TMTC1: variants seen among roughly 807,000 people sequenced by gnomAD.
The protein encoded by TMTC1 is transmembrane O-mannosyltransferase targeting cadherins 1.
TMTC1 carries 73 observed loss-of-function variants against 104.8 expected under a neutral mutation model. The ratio of observed to expected loss-of-function variants is 0.70; its 90% CI spans 0.58 to 0.85. The LOEUF is 0.85. TMTC1 is among the 40% of genes least tolerant of loss of function. The probability of loss-of-function intolerance (pLI) is 0.00; values close to 1 mark genes in which losing one functional copy is unlikely to be tolerated. For synonymous variants in TMTC1, 434 were observed against 428.7 expected, an observed-to-expected ratio of 1.01 and a Z score of -0.15; for missense variants, 1,035 against 1,096.1, an observed-to-expected ratio of 0.94 and a Z score of 0.79.
chr12:29,729,880 A>C (rs1942500047), intron 5 of TMTC1, among the ~76,000 whole-genome samples: 1 of 152,210 alleles, frequency 6.6e-6, no homozygotes, highest in African/African-American at 2.4e-5. Flanking sequence ...TCATCTTCAG[A>C]CTTAACACTG....
At chr12:29,537,411 G>T (rs1041929655) in intron 10 of TMTC1, among the ~76,000 whole-genome samples, 4 of 152,118 alleles carry the variant, frequency 2.6e-5, no homozygotes, top group Admixed American at 1.3e-4. Context: ...TTTCTAATGA[G>T]AAATTTTCAA....
At chr12:29,646,357 T>C (rs1939268119) in intron 5 of TMTC1, among the ~76,000 whole-genome samples, 1 of 152,200 alleles carries the variant, frequency 6.6e-6, no homozygotes, top group African/African-American at 2.4e-5. Flanking sequence ...TTTTTTTCAG[T>C]GTGAAAAGCA....
At chr12:29,745,563 G>A (rs1177821886) in intron 5 of TMTC1, among the ~76,000 whole-genome samples, 1 of 140,102 alleles carries the variant, frequency 7.1e-6, no homozygotes, top group East Asian at 2.3e-4. Context: ...AGAGGTTGCA[G>A]TGAGTCGAGA....
At chr12:29,554,482 T>C (rs1258809050) in intron 10 of TMTC1, among the ~76,000 whole-genome samples, 1 of 152,058 alleles carries the variant, frequency 6.6e-6, no homozygotes, top group Non-Finnish European at 1.5e-5. Flanking sequence ...AGACTAAAAG[T>C]AAGAAAAAGC....
intron 11 of TMTC1, among the ~76,000 whole-genome samples, chr12:29,531,161 C>T (rs1018268827): frequency 6.6e-6 from 1 of 152,226 alleles, no homozygotes; most frequent in South Asian, 2.1e-4. Context: ...AACACTCTGG[C>T]GCTTGGTGGC....
chr12:29,714,161 T>C (rs145166926), intron 5 of TMTC1, among the ~76,000 whole-genome samples: 3 of 152,236 alleles, frequency 2.0e-5, no homozygotes, highest in Admixed American at 6.5e-5. Context: ...TATTCTGTTA[T>C]AGTAGAACAA....
intron 5 of TMTC1, among the ~76,000 whole-genome samples, chr12:29,708,399 G>A (rs1187977311): frequency 6.6e-6 from 1 of 152,102 alleles, no homozygotes; most frequent in African/African-American, 2.4e-5. Context: ...TCTTATAATA[G>A]ACACCAAAAG....
In TMTC1 at chr12:29,676,801, G is replaced by A. The variant is rs145304851; in HGVS notation, c.939-43465C>T. ...AGATGATGCCCTCGTGCAGCCAAAT[G>A]AAGCATTTTGTGGGCATGCTGGAAT... On this transcript the variant is annotated intron_variant, in intron 5 of 17. Transcript: ENST00000539277. 5.9e-3 allele frequency among the ~76,000 whole-genome samples: 891 copies of A among 152,290 alleles called. 12 individuals carry two copies. Among genetic ancestry groups the A allele is most frequent in the African/African-American group, 0.018 (730 of 41,550 alleles).
intron 11 of TMTC1, among the ~76,000 whole-genome samples, chr12:29,524,504 G>T (rs570380045): frequency 7.9e-5 from 12 of 152,224 alleles, no homozygotes; most frequent in Admixed American, 3.3e-4. Flanking sequence ...GATGACTTTT[G>T]TGTAATCAGT....
chr12:29,525,487 A>G (rs1025331616), intron 11 of TMTC1, among the ~76,000 whole-genome samples: 1 of 151,904 alleles, frequency 6.6e-6, no homozygotes, highest in African/African-American at 2.4e-5. Context: ...TGCTCAGCAA[A>G]GGGCAGTCTT....
At chr12:29,765,430 G>T (rs920725533) in intron 2 of TMTC1, among the ~76,000 whole-genome samples, 1 of 151,852 alleles carries the variant, frequency 6.6e-6, no homozygotes, top group East Asian at 1.9e-4. Flanking sequence ...CTTTCTCCTT[G>T]AACTCATACT....
intron 16 of TMTC1, among the ~76,000 whole-genome samples, chr12:29,513,052 A>G (rs1344626699): frequency 2.6e-5 from 4 of 152,176 alleles, no homozygotes; most frequent in Non-Finnish European, 4.4e-5. Flanking sequence ...GCTAAAATAA[A>G]CCAAAAGGGT....
At chr12:29,657,735 A>C (rs999791169) in intron 5 of TMTC1, among the ~76,000 whole-genome samples, 4 of 152,252 alleles carry the variant, frequency 2.6e-5, no homozygotes, top group African/African-American at 9.6e-5. Flanking sequence ...TACAAGGCAA[A>C]GAAAGTAGTA....
intron 5 of TMTC1, among the ~76,000 whole-genome samples, chr12:29,642,066 C>T (rs1938878303): frequency 6.6e-6 from 1 of 152,038 alleles, no homozygotes; most frequent in Non-Finnish European, 1.5e-5. Flanking sequence ...AAAATATGAA[C>T]AAAGCCTCCA....
At chr12:29,517,149 C>G in intron 14 of TMTC1, among the ~76,000 whole-genome samples, 1 of 152,088 alleles carries the variant, frequency 6.6e-6, no homozygotes, top group Admixed American at 6.5e-5. Context: ...ATAAATGAAT[C>G]AAAATGTTAC....
chr12:29,552,463 A>T (rs1361978969), intron 10 of TMTC1, among the ~76,000 whole-genome samples: 1 of 152,222 alleles, frequency 6.6e-6, no homozygotes, highest in Non-Finnish European at 1.5e-5. Context: ...TGTAAATTAC[A>T]TGTATGGCTC....
intron 5 of TMTC1, among the ~76,000 whole-genome samples, chr12:29,724,765 T>A (rs954222403): frequency 6.6e-6 from 1 of 152,056 alleles, no homozygotes; most frequent in African/African-American, 2.4e-5. Context: ...TTCACAATAA[T>A]GTTACCTCTG....
intron 10 of TMTC1, among the ~76,000 whole-genome samples, chr12:29,539,279 T>C (rs541555104): frequency 3.3e-5 from 5 of 151,818 alleles, no homozygotes; most frequent in Admixed American, 6.7e-5. Flanking sequence ...ATCTGTATTA[T>C]AGCACGTTTC....
chr12:29,715,996 T>C (rs1379278821), intron 5 of TMTC1, among the ~76,000 whole-genome samples: 1 of 117,304 alleles, frequency 8.5e-6, no homozygotes, highest in Non-Finnish European at 1.7e-5. Flanking sequence ...AGTATTATTA[T>C]TATTATTATT....
Sources: allele counts gnomAD v4.1 joint callset (sites outside exome capture counted in the v4.1 genomes callset), GRCh38; gene constraint gnomAD v4.1.1; transcripts MANE v1.5; gene names NCBI Gene and HGNC (gene_info 2026-07-23, HGNC 2026-07-21).